SUMF1: variants seen among roughly 807,000 people sequenced by gnomAD.
The protein encoded by SUMF1 is formylglycine-generating enzyme.
SUMF1 carries 48 observed loss-of-function variants against 47.6 expected under a neutral mutation model. That is an observed-to-expected ratio of 1.01 (90% CI 0.80 to 1.28). The LOEUF (loss-of-function observed/expected upper bound fraction) is 1.28. Among genes scored for constraint, SUMF1 ranks in the 50% most tolerant of loss-of-function variants. The pLI, the probability that SUMF1 is intolerant of heterozygous loss-of-function variation, is 0.00. For missense variants in SUMF1, 571 were observed against 485.4 expected (o/e 1.18, Z -1.66); for synonymous variants, 230 against 192.1 (o/e 1.20, Z -1.63).
intron 8 of SUMF1, among the ~76,000 whole-genome samples, chr3:4,091,605 A>AGCCTT (rs1692788570): frequency 6.6e-6 from 1 of 152,138 alleles, no homozygotes. Context: ...ACAACCTCGA[A>AGCCTT]TAGGATAACA....
intron 8 of SUMF1, among the ~76,000 whole-genome samples, chr3:4,201,625 A>C (rs1486480433): frequency 6.6e-6 from 1 of 151,674 alleles, no homozygotes; most frequent in Non-Finnish European, 1.5e-5. Flanking sequence ...TATTGCTTCA[A>C]TACACTGATT....
chr3:4,308,100 G>C (rs1481471029), intron 8 of SUMF1, among the ~76,000 whole-genome samples: 2 of 152,018 alleles, frequency 1.3e-5, no homozygotes, highest in African/African-American at 4.8e-5. Flanking sequence ...TGTGCATATT[G>C]CAGACAGTAA....
chr3:4,353,279 A>G (rs185347539), intron 8 of SUMF1, among the ~76,000 whole-genome samples: 192 of 152,212 alleles, frequency 1.3e-3, no homozygotes, highest in African/African-American at 4.1e-3. Context: ...TTGAGACGGA[A>G]TCTCACTCTG....
chr3:4,314,456 TTAAC>T (rs1451359847), intron 8 of SUMF1: 1 of 152,322 alleles, frequency 6.6e-6, no homozygotes, highest in African/African-American at 2.4e-5. Context: ...AAAGGCATTA[TTAAC>T]TATCACCTGC....
At chr3:4,449,932 G>A (rs1353295887) in intron 2 of SUMF1, among the ~76,000 whole-genome samples, 1 of 152,104 alleles carries the variant, frequency 6.6e-6, no homozygotes, top group East Asian at 1.9e-4. Flanking sequence ...TTTGTCCCTT[G>A]GTAACCATGA....
At chr3:4,145,536 G>C (rs1280706503) in intron 8 of SUMF1, among the ~76,000 whole-genome samples, 1 of 152,018 alleles carries the variant, frequency 6.6e-6, no homozygotes, top group Non-Finnish European at 1.5e-5. Flanking sequence ...CCTCCCTTCA[G>C]CTATAAGCAA....
intron 8 of SUMF1, chr3:4,313,375 C>G: frequency 6.2e-7 from 1 of 1,613,704 alleles, no homozygotes; most frequent in Non-Finnish European, 8.5e-7. Context: ...ATTTGTTGAC[C>G]CTACTTATAT....
At chr3:4,046,273 C>A (rs1169903260) in intron 9 of SUMF1, among the ~76,000 whole-genome samples, 1 of 152,182 alleles carries the variant, frequency 6.6e-6, no homozygotes, top group South Asian at 2.1e-4. Context: ...GGTTGAGAAG[C>A]TTTCGTACCT....
intron 9 of SUMF1, among the ~76,000 whole-genome samples, chr3:4,047,021 A>G (rs764631158): frequency 2.0e-5 from 3 of 151,582 alleles, no homozygotes; most frequent in Non-Finnish European, 1.5e-5. Flanking sequence ...GTGCCACACC[A>G]AACTTCAAAC....
chr3:4,208,747 G>A (rs1359203802), intron 8 of SUMF1, among the ~76,000 whole-genome samples: 1 of 152,062 alleles, frequency 6.6e-6, no homozygotes, highest in Non-Finnish European at 1.5e-5. Flanking sequence ...CCAAGCTTGA[G>A]TATGTGACAA....
chr3:4,344,965 A>G (rs1421919813), intron 8 of SUMF1, among the ~76,000 whole-genome samples: 1 of 152,128 alleles, frequency 6.6e-6, no homozygotes, highest in Non-Finnish European at 1.5e-5. Flanking sequence ...GAAATAAGAC[A>G]CACAGACAAG....
At chr3:4,412,119 T>C (rs1371713385) in intron 6 of SUMF1, among the ~76,000 whole-genome samples, 3 of 152,174 alleles carry the variant, frequency 2.0e-5, no homozygotes, top group Non-Finnish European at 2.9e-5. Context: ...GCTTCCAAAA[T>C]CAGCAATCAT....
At chr3:4,369,348 C>T (rs1035923064) in intron 8 of SUMF1, among the ~76,000 whole-genome samples, 2 of 152,168 alleles carry the variant, frequency 1.3e-5, no homozygotes, top group African/African-American at 4.8e-5. Flanking sequence ...GATCTGCATG[C>T]AATGGAAGCT....
intron 7 of SUMF1, among the ~76,000 whole-genome samples, chr3:4,387,855 A>G (rs1299617258): frequency 6.6e-6 from 1 of 152,018 alleles, no homozygotes; most frequent in Non-Finnish European, 1.5e-5. Context: ...CGTGTTTCAT[A>G]GTTTCCATGT....
intron 9 of SUMF1, among the ~76,000 whole-genome samples, chr3:4,046,467 A>G (rs1695009568): frequency 6.6e-6 from 1 of 152,158 alleles, no homozygotes; most frequent in African/African-American, 2.4e-5. Flanking sequence ...AAATTCCTCC[A>G]CAACTCTTCC....
intron 7 of SUMF1, among the ~76,000 whole-genome samples, chr3:4,395,772 A>G (rs1490260001): frequency 4.6e-5 from 7 of 152,210 alleles, no homozygotes; most frequent in African/African-American, 1.4e-4. Context: ...TTCCAATAAT[A>G]TAAGTCACTT....
chr3:4,206,228 G>T (rs1220684785), intron 8 of SUMF1, among the ~76,000 whole-genome samples: 1 of 151,714 alleles, frequency 6.6e-6, no homozygotes, highest in African/African-American at 2.4e-5. Context: ...TGGCCTTGGG[G>T]AAGGGTGACA....
At chr3:4,126,922 C>T (rs1693667586) in intron 8 of SUMF1, among the ~76,000 whole-genome samples, 1 of 152,102 alleles carries the variant, frequency 6.6e-6, no homozygotes, top group Non-Finnish European at 1.5e-5. Context: ...AGGTAAGTCA[C>T]TGATACTTAA....
At chr3:4,115,447 T>G (rs753623763) in intron 8 of SUMF1, among the ~76,000 whole-genome samples, 6 of 152,108 alleles carry the variant, frequency 3.9e-5, no homozygotes, top group Non-Finnish European at 7.3e-5. Context: ...ACAAGCAGCC[T>G]GAGGATGGCT....
Sources: gnomAD v4.1 joint callset for allele counts (sites outside exome capture counted in the v4.1 genomes callset) on GRCh38, gnomAD v4.1.1 for gene constraint, MANE v1.5 for transcripts, NCBI Gene and HGNC (gene_info 2026-07-23, HGNC 2026-07-21) for gene names.